The following CFAP47 variants were observed in gnomAD, a reference collection of about 807,000 sequenced individuals.
The protein encoded by CFAP47 is cilia- and flagella-associated protein 47.
CFAP47 carries 29 observed loss-of-function variants against 148.1 expected under a neutral mutation model. The observed-to-expected ratio is 0.20, with a 90% CI of 0.15 to 0.27. The LOEUF is 0.27. Among genes scored for constraint, CFAP47 ranks in the 10% least tolerant of loss-of-function variants. The probability of loss-of-function intolerance (pLI) is 1.00; values close to 1 mark genes in which losing one functional copy is unlikely to be tolerated. For synonymous variants in CFAP47, 664 were observed against 577.3 expected, an observed-to-expected ratio of 1.15 and a Z score of -2.15; for missense variants, 1,872 against 1,697.5, an observed-to-expected ratio of 1.10 and a Z score of -1.81.
chrX:36,299,629 C>T (rs1204334617), intron 52 of CFAP47, among the ~76,000 whole-genome samples: 5 of 111,776 alleles, frequency 4.5e-5, no homozygotes, highest in African/African-American at 1.6e-4. Context: ...TGAAATTTTG[C>T]ATCCATTGAC....
intron 29 of CFAP47, among the ~76,000 whole-genome samples, chrX:36,080,114 G>T (rs1037612485): frequency 1.7e-4 from 19 of 111,380 alleles, no homozygotes; most frequent in Admixed American, 1.4e-3. Context: ...TCAAAAAGTG[G>T]GCAAAGGATA....
At chrX:36,147,790 T>G (rs1388414856) in intron 36 of CFAP47, among the ~76,000 whole-genome samples, 2 of 112,589 alleles carry the variant, frequency 1.8e-5, no homozygotes, top group Non-Finnish European at 3.8e-5. Context: ...ATCATATTCC[T>G]TATGACTCAC....
At chrX:35,976,967 CTG>C (rs1232815703) in intron 15 of CFAP47, among the ~76,000 whole-genome samples, 1 of 111,810 alleles carries the variant, frequency 8.9e-6, no homozygotes, top group Non-Finnish European at 1.9e-5. Context: ...AACTGCTAAA[CTG>C]TGACTTATTT....
chrX:36,177,590 G>T (rs1324443417), intron 39 of CFAP47, among the ~76,000 whole-genome samples: 1 of 112,010 alleles, frequency 8.9e-6, no homozygotes, highest in Non-Finnish European at 1.9e-5. Context: ...TCTGAAAGAT[G>T]TTTCACAAAG....
chrX:36,340,606 G>T (rs1393956484), intron 57 of CFAP47, among the ~76,000 whole-genome samples: 2 of 110,959 alleles, frequency 1.8e-5, no homozygotes, highest in Non-Finnish European at 3.8e-5. Context: ...CAGTAATATT[G>T]GATTAGAGCC....
intron 22 of CFAP47, among the ~76,000 whole-genome samples, chrX:36,019,130 A>G (rs1162688399): frequency 1.8e-5 from 2 of 111,789 alleles, no homozygotes; most frequent in African/African-American, 6.5e-5. Context: ...TGACCCAGCG[A>G]CAGATGAATG....
At chrX:36,017,225 A>G (rs962038382) in intron 22 of CFAP47, among the ~76,000 whole-genome samples, 6 of 112,170 alleles carry the variant, frequency 5.3e-5, no homozygotes, top group Non-Finnish European at 1.1e-4. Flanking sequence ...TGATAGCCCA[A>G]TTAGGAAGCA....
intron 33 of CFAP47, among the ~76,000 whole-genome samples, chrX:36,105,639 T>C (rs904602433): frequency 1.8e-5 from 2 of 111,856 alleles, no homozygotes; most frequent in African/African-American, 6.5e-5. Context: ...TACCTTCTAA[T>C]TGACATGCTG....
At position 36,170,818 on chromosome X, in the gene CFAP47, G is replaced by A. The variant is rs1306959678; in HGVS notation, c.6027-8527G>A. Among the ~76,000 whole-genome samples, 174 of 107,942 alleles carry A rather than the reference G, an allele frequency of 1.6e-3. 1 individual carries two copies. Among genetic ancestry groups the A allele is most frequent in the African/African-American group, 5.5e-3 (160 of 29,354 alleles). 93.7% of individuals were successfully genotyped at this position (107,942 alleles called of 115,157 possible). ...GTCCTTTGGGTATATACCCAGTAACGGGATGGCTGGGTCAAATGGTATTTC... is the reference window on the plus strand; with the variant it reads ...GTCCTTTGGGTATATACCCAGTAACAGGATGGCTGGGTCAAATGGTATTTC... On this transcript the variant is annotated intron_variant, in intron 39 of 63. Coordinates refer to ENST00000378653, the MANE Select transcript of CFAP47 (RefSeq NM_001304548.2).
Position 36,353,600 on chromosome X carries a change from G to A in CFAP47, c.8770G>A (p.Gly2924Arg), listed in dbSNP as rs1556017901. ...AATCATACTGAATGCTGGTTTTTTC[G>A]GATTTAGTCTTACTCCAGATCTGAC... is the stretch of plus-strand genomic sequence containing the variant. ...VEIILNAGFF[G>R]FSLTPDLTEV... Residue 2924 changes from glycine (G) to arginine (R), a missense_variant, in exon 60 of 64, where the codon GGA (glycine) becomes AGA (arginine). Gly to Arg is a moderately radical substitution (Grantham distance 125). Coordinates refer to ENST00000378653, the MANE Select transcript of CFAP47 (RefSeq NM_001304548.2). The A allele has an allele frequency of 9.5e-6, 11 of 1,161,385 alleles. No homozygotes were observed. Among genetic ancestry groups the A allele is most frequent in the Middle Eastern group, 2.3e-4 (1 of 4,286 alleles).
chrX:36,055,337 G>C (rs959643251), intron 26 of CFAP47, among the ~76,000 whole-genome samples: 1 of 110,132 alleles, frequency 9.1e-6, no homozygotes, highest in African/African-American at 3.3e-5. Flanking sequence ...CCACTGACAG[G>C]CCCCAGTGTG....
At chrX:36,193,157 G>C (rs781964771) in intron 42 of CFAP47, among the ~76,000 whole-genome samples, 1 of 111,754 alleles carries the variant, frequency 8.9e-6, no homozygotes, top group South Asian at 3.7e-4. Context: ...GTGATGCAGA[G>C]ATTAAGTTGG....
At chrX:36,371,803 CAT>C (rs1491540612) in intron 62 of CFAP47, among the ~76,000 whole-genome samples, 3 of 49,292 alleles carry the variant, frequency 6.1e-5, no homozygotes, top group South Asian at 1.3e-3. Flanking sequence ...TATATACACA[CAT>C]GTATATATGT....
intron 46 of CFAP47, among the ~76,000 whole-genome samples, chrX:36,233,721 A>T (rs1284710633): frequency 1.8e-5 from 2 of 111,436 alleles, no homozygotes; most frequent in Non-Finnish European, 3.8e-5. Flanking sequence ...GACGGTCTTT[A>T]CAATTTGGCA....
At chrX:35,954,560 T>G (rs1936216900) in intron 7 of CFAP47, among the ~76,000 whole-genome samples, 1 of 111,829 alleles carries the variant, frequency 8.9e-6, no homozygotes, top group African/African-American at 3.2e-5. Context: ...TGTACAAAGT[T>G]TACAGGTTAA....
chrX:36,057,171 C>T (rs1569244691), intron 26 of CFAP47, among the ~76,000 whole-genome samples: 1 of 111,638 alleles, frequency 9.0e-6, no homozygotes. Flanking sequence ...ACTCATATTG[C>T]AGTCTTTTTT....
chrX:36,003,533 T>G (rs1601925995), intron 21 of CFAP47, among the ~76,000 whole-genome samples: 1 of 110,725 alleles, frequency 9.0e-6, no homozygotes, highest in East Asian at 2.8e-4. Flanking sequence ...TTATTTAAAT[T>G]AGTCTTATAA....
chrX:36,202,746 G>A (rs983913153), intron 44 of CFAP47, among the ~76,000 whole-genome samples: 8 of 109,541 alleles, frequency 7.3e-5, no homozygotes, highest in African/African-American at 2.0e-4. Context: ...GTGTGGAGGC[G>A]TGCACCTGTA....
chrX:36,148,827 T>C (rs1335905762), intron 36 of CFAP47, among the ~76,000 whole-genome samples: 1 of 111,404 alleles, frequency 9.0e-6, no homozygotes, highest in African/African-American at 3.3e-5. Flanking sequence ...TCACTGGTGA[T>C]AAGATGCTTT....
Sources: gnomAD v4.1 joint callset for allele counts (sites outside exome capture counted in the v4.1 genomes callset) on GRCh38, gnomAD v4.1.1 for gene constraint, MANE v1.5 for transcripts, NCBI Gene and HGNC (gene_info 2026-07-23, HGNC 2026-07-21) for gene names.